SHROOM3: variants seen among roughly 807,000 people sequenced by gnomAD.
SHROOM3 encodes the protein shroom family member 3.
Under a neutral mutation model 138.6 loss-of-function variants are expected in SHROOM3, and 47 were observed. That is an observed-to-expected ratio of 0.34 (90% CI 0.27 to 0.43). The LOEUF (loss-of-function observed/expected upper bound fraction) is 0.43, where lower values mean the gene tolerates loss of function less well. SHROOM3 is among the 20% of genes least tolerant of loss of function. SHROOM3 has a pLI of 1.00. For missense variants in SHROOM3, 2,491 were observed against 2,596.5 expected, an observed-to-expected ratio of 0.96 and a Z score of 0.88; for synonymous variants, 1,062 against 1,063.3, an observed-to-expected ratio of 1.00 and a Z score of 0.02.
chr4:76,774,905 T>C (rs1722497614), intron 10 of SHROOM3, among the ~76,000 whole-genome samples: 1 of 152,116 alleles, frequency 6.6e-6, no homozygotes, highest in Non-Finnish European at 1.5e-5. Flanking sequence ...TATTGAGGTA[T>C]ACTTAAGTGA....
At chr4:76,738,367 C>T (rs1289379902) in intron 4 of SHROOM3, among the ~76,000 whole-genome samples, 2 of 152,188 alleles carry the variant, frequency 1.3e-5, no homozygotes, top group Non-Finnish European at 2.9e-5. Flanking sequence ...CCCCTCTTCC[C>T]ACAAACAGCC....
intron 1 of SHROOM3, among the ~76,000 whole-genome samples, chr4:76,512,650 G>C (rs1292484644): frequency 6.6e-6 from 1 of 152,146 alleles, no homozygotes; most frequent in Non-Finnish European, 1.5e-5. Flanking sequence ...AAAATGATTG[G>C]GGGTGGGAAG....
chr4:76,475,236 G>C (rs1731462655), intron 1 of SHROOM3, among the ~76,000 whole-genome samples: 1 of 152,154 alleles, frequency 6.6e-6, no homozygotes, highest in African/African-American at 2.4e-5. Flanking sequence ...GATAAAATGA[G>C]AAAAAGCGAG....
At chr4:76,729,276 C>T (rs1340108527) in intron 3 of SHROOM3, among the ~76,000 whole-genome samples, 13 of 151,966 alleles carry the variant, frequency 8.6e-5, no homozygotes, top group Non-Finnish European at 1.3e-4. Flanking sequence ...GAGCTGGTAC[C>T]CTTAGCTACA....
rs754248622 is a variant in SHROOM3 at position 76,436,049 on chromosome 4, T to G, written c.-4T>G. 1.9e-6 allele frequency: 3 copies of G among 1,613,670 alleles called. No individual in the cohort carries two copies. Among genetic ancestry groups the G allele is most frequent in the Non-Finnish European group, 2.5e-6 (3 of 1,179,782 alleles). On this transcript the variant is annotated 5_prime_UTR_variant, in exon 1 of 11. Transcript: ENST00000296043. ...AATTTAACTTGAGGGATCATGTGTT[T>G]GGCATGATGAGGACCACTGAAGACT...
intron 2 of SHROOM3, among the ~76,000 whole-genome samples, chr4:76,627,697 T>C (rs1406273654): frequency 6.6e-6 from 1 of 151,650 alleles, no homozygotes; most frequent in Non-Finnish European, 1.5e-5. Flanking sequence ...GGTCTTGCTA[T>C]GTTGCCCAGA....
rs752971457 is a variant in SHROOM3 at position 76,738,831 on chromosome 4, C to G, written c.658C>G (p.Gln220Glu). ...LRRSPDQCSS[Q>E]GSMESLEPSG... is the part of the protein sequence containing the mutation. The stretch of plus-strand genomic sequence containing the variant: ...GCGGAGCCCTGACCAGTGCAGCTCC[C>G]AGGGGAGCATGGAGAGCCTGGAGCC... The change falls in exon 5 of 11, where the codon CAG (glutamine) becomes GAG (glutamate). Residue 220 changes from glutamine to glutamate, a missense_variant. By Grantham distance (29) the Gln-to-Glu change is conservative. This residue lies in a region of SHROOM3 where 284 missense variants were observed against 322.8 expected (regional missense o/e 0.88). Coordinates refer to ENST00000296043, the MANE Select transcript of SHROOM3 (RefSeq NM_020859.4). 7 of 1,614,084 alleles carry G rather than the reference C, an allele frequency of 4.3e-6. No individual in the cohort carries two copies. The highest frequency in any genetic ancestry group is 3.3e-5 in the Admixed American group (2 of 60,032).
chr4:76,746,951 G>A (rs1172909627), intron 5 of SHROOM3, among the ~76,000 whole-genome samples: 9 of 151,802 alleles, frequency 5.9e-5, no homozygotes, highest in Non-Finnish European at 1.2e-4. Flanking sequence ...TGAGTAGCTC[G>A]GACTACAGGC....
At chr4:76,713,404 G>C (rs1203641738) in intron 3 of SHROOM3, among the ~76,000 whole-genome samples, 2 of 151,900 alleles carry the variant, frequency 1.3e-5, no homozygotes, top group Admixed American at 1.3e-4. Context: ...AGGCCAAACA[G>C]AGCAGGATCA....
intron 2 of SHROOM3, among the ~76,000 whole-genome samples, chr4:76,608,001 G>C (rs1734658351): frequency 6.6e-6 from 1 of 152,212 alleles, no homozygotes; most frequent in Non-Finnish European, 1.5e-5. Context: ...ACAGTGCCCA[G>C]TTAGGTAGCA....
At chr4:76,442,385 T>C (rs1278705678) in intron 1 of SHROOM3, among the ~76,000 whole-genome samples, 2 of 151,022 alleles carry the variant, frequency 1.3e-5, no homozygotes, top group East Asian at 4.0e-4. Flanking sequence ...AATTGCTTTC[T>C]CTGATTGTGC....
At position 76,741,236 on chromosome 4, in the gene SHROOM3, G is replaced by C; in HGVS notation, c.3063G>C (p.Ser1021=). The part of the protein sequence containing the change: ...LTPEQKKRSY[S]EPEKMNEVGI... ...CCGAGCAGAAGAAGCGCTCCTACTC[G>C]GAGCCCGAGAAGATGAACGAGGTGG... is the stretch of plus-strand genomic sequence containing the variant. Residue 1021 remains serine, a synonymous_variant, in exon 5 of 11, where the codon TCG becomes TCC. Transcript: ENST00000296043. The surrounding 1 kb of genome is among the most constrained non-coding windows in gnomAD (Gnocchi z 6.2). 6.2e-7 allele frequency: 1 copy of C among 1,611,296 alleles called. No homozygotes were observed.
At chr4:76,688,829 G>A (rs1719411096) in intron 2 of SHROOM3, 2 of 985,250 alleles carry the variant, frequency 2.0e-6, no homozygotes, top group Admixed American at 6.2e-5. Flanking sequence ...CAGAGACGAT[G>A]CTTATGGAAA....
At chr4:76,744,121 T>C (rs944010062) in intron 5 of SHROOM3, among the ~76,000 whole-genome samples, 11 of 152,216 alleles carry the variant, frequency 7.2e-5, no homozygotes, top group Non-Finnish European at 1.5e-4. Flanking sequence ...AGCTAAAACA[T>C]AGGCGTTGGG....
chr4:76,610,204 C>CA (rs1274132978), intron 2 of SHROOM3, among the ~76,000 whole-genome samples: 2 of 151,826 alleles, frequency 1.3e-5, no homozygotes, highest in Non-Finnish European at 1.5e-5. Flanking sequence ...GTTGTCTAGC[C>CA]AAAAAAAATC....
Position 76,740,186 on chromosome 4 carries a change from T to C in SHROOM3, c.2013T>C (p.Ser671=), listed in dbSNP as rs748422091. ...AFSSLQNIPE[S]LRRHSSLELG... The stretch of plus-strand genomic sequence containing the variant: ...CATCTCTCCAGAACATTCCTGAGAG[T>C]CTGAGAAGACACAGCAGCCTGGAGC... Residue 671 remains serine, a synonymous_variant, in exon 5 of 11, where the codon AGT becomes AGC. Coordinates refer to ENST00000296043, the MANE Select transcript of SHROOM3 (RefSeq NM_020859.4). This position sits in a 1 kb window ranked among gnomAD's most constrained non-coding sequence, Gnocchi z 4.0. The C allele has an allele frequency of 1.9e-6, 3 of 1,613,490 alleles. No individual in the cohort carries two copies. In the African/African-American group the frequency reaches 4.0e-5, roughly 22 times the overall value.
chr4:76,606,391 C>G (rs1468318702), intron 2 of SHROOM3, among the ~76,000 whole-genome samples: 1 of 151,580 alleles, frequency 6.6e-6, no homozygotes, highest in Non-Finnish European at 1.5e-5. Flanking sequence ...GTTAGCTACT[C>G]TGAATGTTGG....
rs35935280 is a variant in SHROOM3, at chr4:76,627,663, C to CTTT, written c.323+71913_323+71915dup. Among the ~76,000 whole-genome samples the CTTT allele has an allele frequency of 2.3e-4, 32 of 141,848 alleles. 1 individual carries two copies. Among genetic ancestry groups the CTTT allele is most frequent in the East Asian group, 1.0e-3 (5 of 4,898 alleles). 93.1% of individuals were successfully genotyped at this position (141,848 alleles called of 152,430 possible). On this transcript the variant is annotated intron_variant, in intron 2 of 10. Transcript: ENST00000296043. ...ACATATTCCTCTGTTTTGCAAAAGTCTTTTTTTTTTTTTTTAGAAATGGGG... is the reference window on the plus strand; with the variant it reads ...ACATATTCCTCTGTTTTGCAAAAGTCTTTTTTTTTTTTTTTTTTAGAAATGGGG...
intron 1 of SHROOM3, among the ~76,000 whole-genome samples, chr4:76,441,151 G>C (rs1429043155): frequency 7.5e-6 from 1 of 133,918 alleles, no homozygotes; most frequent in Non-Finnish European, 1.5e-5. Flanking sequence ...GTGCAGTGCA[G>C]TGGCGCGATC....
Sources: gnomAD v4.1 joint callset for allele counts (sites outside exome capture counted in the v4.1 genomes callset) on GRCh38, gnomAD v4.1.1 for gene constraint, gnomAD v4.1.1 regional missense constraint, Gnocchi (gnomAD v3.1) non-coding constraint, MANE v1.5 for transcripts, NCBI Gene and HGNC (gene_info 2026-07-23, HGNC 2026-07-21) for gene names.